The following MUC12 variants were observed in gnomAD, a reference collection of about 807,000 sequenced individuals.
MUC12 encodes the protein mucin-12.
A neutral mutation model predicts 230.8 loss-of-function variants in MUC12; 172 were observed. That is an observed-to-expected ratio of 0.75 (90% CI 0.66 to 0.85). The LOEUF is 0.85. Ranked by LOEUF, MUC12 falls within the 40% of genes least tolerant of loss-of-function variation. The pLI is 0.00. For missense variants in MUC12, 3,506 were observed against 5,920.6 expected (o/e 0.59, Z 13.38); for synonymous variants, 1,259 against 2,401.9 (o/e 0.52, Z 13.91).
At position 100,991,982 on chromosome 7, in the gene MUC12, C is replaced by A. The variant is rs777178122; in HGVS notation, c.1419C>A (p.Gly473=). ...GDSTPSPISS[G]SMETTALPGS... is the part of the protein sequence containing the mutation. ...CGACGCCCTCACCCATCAGTTCAGG[C>A]TCAATGGAAACCACAGCGTTACCCG... Residue 473 remains glycine (G), a synonymous_variant, in exon 2 of 12, where the codon GGC becomes GGA. Transcript: ENST00000536621. 1 of 1,537,862 alleles carries A rather than the reference C, an allele frequency of 6.5e-7. No individual in the cohort carries two copies.
In MUC12 at chr7:100,989,999, A is replaced by T. The variant is rs561900961; in HGVS notation, c.68-632A>T. On this transcript the variant is annotated intron_variant, in intron 1 of 11. Coordinates refer to ENST00000536621, the MANE Select transcript of MUC12 (RefSeq NM_001164462.2). The stretch of plus-strand genomic sequence containing the variant: ...GGAGCCACCTCACCTGGCCCTAAAA[A>T]TTCAAGTTACAAATTACAGTCAAGA... Among the ~76,000 whole-genome samples the T allele has an allele frequency of 4.6e-5, 7 of 152,304 alleles. No individual in the cohort carries two copies. The South Asian group carries it at 1.5e-3, about 32-fold the overall frequency.
intron 1 of MUC12, among the ~76,000 whole-genome samples, chr7:100,976,614 A>C (rs944677495): frequency 6.6e-6 from 1 of 152,072 alleles, no homozygotes; most frequent in South Asian, 2.1e-4. Flanking sequence ...AAAAAAAAAA[A>C]ATGCAAATAT....
intron 1 of MUC12, among the ~76,000 whole-genome samples, chr7:100,970,951 C>T (rs1010734295): frequency 4.0e-5 from 6 of 151,202 alleles, no homozygotes; most frequent in South Asian, 2.1e-4. Flanking sequence ...GAGCCGAGAT[C>T]GCGCCACTGC....
rs201622042 is a variant in MUC12, at chr7:101,002,562, A to G, written c.11999A>G (p.Gln4000Arg). The G allele has an allele frequency of 4.7e-5, 72 of 1,537,376 alleles. No homozygotes were observed. Among genetic ancestry groups the G allele is most frequent in the Non-Finnish European group, 4.5e-5 (52 of 1,146,872 alleles). ...SQEPTTSHSSQGSTEATLSPG... is the reference protein window; with the variant it reads ...SQEPTTSHSSRGSTEATLSPG... ...GAACCTACAACTTCCCACAGCAGCC[A>G]AGGCTCAACAGAGGCAACACTGTCC... The change falls in exon 2 of 12, where the codon CAA (glutamine) becomes CGA (arginine). Residue 4000 changes from glutamine (Q) to arginine (R), a missense_variant. Physicochemically the swap from Gln to Arg is conservative, Grantham distance 43. Coordinates refer to ENST00000536621, the MANE Select transcript of MUC12 (RefSeq NM_001164462.2).
At chr7:100,971,196 CCGTGGCTGAGGGGCTGTAGGAGGAG>C (rs1792882534) in intron 1 of MUC12, among the ~76,000 whole-genome samples, 3 of 592 alleles carry the variant, frequency 5.1e-3, no homozygotes, top group Non-Finnish European at 0.011. Flanking sequence ...AAAAAACAAA[CCGTGGCTGAGGGGCTGTAGGAGGAG>C]ACAGAGGCTC....
chr7:100,991,207 C>T lies in MUC12; in HGVS notation c.644C>T (p.Ser215Leu). The T allele has an allele frequency of 1.3e-6, 2 of 1,537,646 alleles. No homozygotes were observed. The highest frequency in any genetic ancestry group is 1.7e-6 in the Non-Finnish European group (2 of 1,146,938). ...CTGTCCCCTGGCACTACCACACCAT[C>T]ATCCCTTGGTCCAGAATCTACTACC... Reference protein sequence around the residue: ...TTLSPGTTTPSSLGPESTTFH... With the variant: ...TTLSPGTTTPLSLGPESTTFH... The change falls in exon 2 of 12, where the codon TCA (serine) becomes TTA (leucine). Residue 215 changes from serine (S) to leucine (L), a missense_variant. Physicochemically the swap from Ser to Leu is moderately radical, Grantham distance 145. Transcript: ENST00000536621.
At position 101,012,321 on chromosome 7, in the gene MUC12, G is replaced by C. The variant is rs769389695; in HGVS notation, c.15277G>C (p.Asp5093His). The C allele has an allele frequency of 6.5e-5, 100 of 1,537,146 alleles. No homozygotes were observed. The highest frequency in any genetic ancestry group is 8.2e-5 in the Non-Finnish European group (94 of 1,146,930). The change falls in exon 6 of 12, where the codon GAT (aspartate) becomes CAT (histidine). Residue 5093 changes from aspartate to histidine, a missense_variant. Coordinates refer to ENST00000536621, the MANE Select transcript of MUC12 (RefSeq NM_001164462.2). ...LLNGSIVVKNDVILEADYTLE... is the reference protein window; with the variant it reads ...LLNGSIVVKNHVILEADYTLE... ...CAACGGTAGCATCGTGGTCAAGAAC[G>C]ATGTCATCCTGGAGGCAGACTACAC...
rs1279308291 is a variant in MUC12 at position 100,990,871 on chromosome 7, C to G, written c.308C>G (p.Ser103Ter). The change falls in exon 2 of 12, where the codon TCA becomes TGA. Residue 103 changes from serine to a stop codon, truncating the protein, a stop_gained. Coordinates refer to ENST00000536621, the MANE Select transcript of MUC12 (RefSeq NM_001164462.2). LOFTEE classifies it high-confidence loss of function. ...CTCTTCCCTTCCCACTCTGCAACCT[C>G]AGTTTTTGTTGGAGAACCTAAAACC... The part of the protein sequence containing the change: ...TTLFPSHSAT[S>*]VFVGEPKTSP... The G allele has an allele frequency of 6.5e-7, 1 of 1,537,764 alleles. No homozygotes were observed. Among genetic ancestry groups the G allele is most frequent in the Admixed American group, 2.0e-5 (1 of 50,990 alleles).
At chr7:100,971,138 G>C (rs751494626) in intron 1 of MUC12, among the ~76,000 whole-genome samples, 27 of 92,730 alleles carry the variant, frequency 2.9e-4, no homozygotes, top group Non-Finnish European at 6.0e-4. Context: ...CCTGGCAACA[G>C]AGCGAGACTC....
At chr7:100,981,340 C>T (rs1793101688) in intron 1 of MUC12, 2 of 590,476 alleles carry the variant, frequency 3.4e-6, no homozygotes, top group African/African-American at 1.9e-5. Context: ...TCTCTTCACC[C>T]AGAGCATGGT....
Position 100,991,781 on chromosome 7 carries a change from C to G in MUC12, c.1218C>G (p.Ala406=), listed in dbSNP as rs1471341697. The G allele has an allele frequency of 6.5e-7, 1 of 1,537,956 alleles. No homozygotes were observed. Residue 406 remains alanine (A), a synonymous_variant, in exon 2 of 12, where the codon GCC becomes GCG. Coordinates refer to ENST00000536621, the MANE Select transcript of MUC12 (RefSeq NM_001164462.2). ...CTTCAACTCCTAGCACCACAGCTGC[C>G]CTAGCACATACAAGCTACCACAGCA... is the stretch of plus-strand genomic sequence containing the variant. ...TKSSTPSTTA[A]LAHTSYHSSL... is the part of the protein sequence containing the mutation.
intron 5 of MUC12, among the ~76,000 whole-genome samples, chr7:101,011,356 A>G (rs2116356189): frequency 6.6e-6 from 1 of 152,280 alleles, no homozygotes; most frequent in East Asian, 1.9e-4. Context: ...CCTTGTCTCA[A>G]GATCTCTCCC....
In MUC12 at chr7:100,969,637, G is replaced by C; in HGVS notation, c.15G>C (p.Trp5Cys). The change falls in exon 1 of 12, where the codon TGG becomes TGC. Residue 5 changes from tryptophan (W) to cysteine (C), a missense_variant. By Grantham distance (215) the Trp-to-Cys change is radical. Coordinates refer to ENST00000536621, the MANE Select transcript of MUC12 (RefSeq NM_001164462.2). MLVI[W>C]ILTLALRLCA... Reference sequence around the variant, plus strand: ...TTCCCCGGGAGATGCTGGTGATCTGGATTCTGACGCTGGCTCTCCGGCTCT... The same window carrying C: ...TTCCCCGGGAGATGCTGGTGATCTGCATTCTGACGCTGGCTCTCCGGCTCT... The C allele has an allele frequency of 2.0e-6, 3 of 1,537,432 alleles. No individual in the cohort carries two copies. Among genetic ancestry groups the C allele is most frequent in the Non-Finnish European group, 2.6e-6 (3 of 1,146,954 alleles).
Position 100,990,663 on chromosome 7 carries a change from A to G in MUC12, c.100A>G (p.Thr34Ala), listed in dbSNP as rs1425851282. The G allele has an allele frequency of 1.3e-6, 2 of 1,537,468 alleles. No homozygotes were observed. The highest frequency in any genetic ancestry group is 4.9e-5 in the East Asian group (2 of 40,942). ...STVNTSIGGNTTSASTPSSSD... is the reference protein window; with the variant it reads ...STVNTSIGGNATSASTPSSSD... ...AGTAAACACCAGTATTGGAGGTAAT[A>G]CAACTTCTGCATCCACACCCAGTTC... The change falls in exon 2 of 12, where the codon ACA (threonine) becomes GCA (alanine). Residue 34 changes from threonine to alanine, a missense_variant. Physicochemically the swap from Thr to Ala is moderately conservative, Grantham distance 58. Coordinates refer to ENST00000536621, the MANE Select transcript of MUC12 (RefSeq NM_001164462.2).
Position 101,004,480 on chromosome 7 carries a change from C to A in MUC12, c.13917C>A (p.His4639Gln). The change falls in exon 2 of 12, where the codon CAC (histidine) becomes CAA (glutamine). Residue 4639 changes from histidine (H) to glutamine (Q), a missense_variant. By Grantham distance (24) the His-to-Gln change is conservative (BLOSUM62 0). Coordinates refer to ENST00000536621, the MANE Select transcript of MUC12 (RefSeq NM_001164462.2). ...ESRTSHSSTT[H>Q]TISSPPSTTS... is the part of the protein sequence containing the mutation. ...GAACTTCCCACAGCAGCACAACACACACAATATCTTCACCTCCTAGCACCA... is the reference window on the plus strand; with the variant it reads ...GAACTTCCCACAGCAGCACAACACAAACAATATCTTCACCTCCTAGCACCA... The A allele has an allele frequency of 6.5e-7, 1 of 1,531,092 alleles. No homozygotes were observed. The highest frequency in any genetic ancestry group is 8.7e-7 in the Non-Finnish European group (1 of 1,145,382). 94.8% of individuals were successfully genotyped at this position (1,531,092 alleles called of 1,614,324 possible).
At chr7:101,015,150 G>A (rs1793896370) in intron 9 of MUC12, 1 of 165,290 alleles carries the variant, frequency 6.0e-6, no homozygotes, top group African/African-American at 2.4e-5. Flanking sequence ...GCTTATGTGT[G>A]GAAATTAGAC....
chr7:100,969,638 A>C lies in MUC12; in HGVS notation c.16A>C (p.Ile6Leu). MLVIW[I>L]LTLALRLCAS... ...TCCCCGGGAGATGCTGGTGATCTGG[A>C]TTCTGACGCTGGCTCTCCGGCTCTG... Residue 6 changes from isoleucine (I) to leucine (L), a missense_variant, in exon 1 of 12, where the codon ATT becomes CTT. By Grantham distance (5) the Ile-to-Leu change is conservative. Coordinates refer to ENST00000536621, the MANE Select transcript of MUC12 (RefSeq NM_001164462.2). The C allele has an allele frequency of 6.5e-7, 1 of 1,537,436 alleles. No homozygotes were observed. The highest frequency in any genetic ancestry group is 8.7e-7 in the Non-Finnish European group (1 of 1,146,954).
chr7:101,018,585 C>A lies in MUC12; in HGVS notation c.15967-10C>A, dbSNP rs764481831. ...CCCCTTGGCCTCACCTCTTCTCTCC[C>A]GTCCCCCAGCTCCACATCCAGAGGC... On this transcript the variant is annotated splice_polypyrimidine_tract_variant and intron_variant, in intron 11 of 11. Transcript: ENST00000536621. 3 of 1,536,058 alleles carry A rather than the reference C, an allele frequency of 2.0e-6. No homozygotes were observed. Among genetic ancestry groups the A allele is most frequent in the Non-Finnish European group, 2.6e-6 (3 of 1,146,328 alleles).
rs1273145412 is a variant in MUC12, at chr7:100,993,555, C to G, written c.2992C>G (p.Pro998Ala). Residue 998 changes from proline to alanine, a missense_variant, in exon 2 of 12, where the codon CCA becomes GCA. By Grantham distance (27) the Pro-to-Ala change is conservative. Transcript: ENST00000536621. ...AGAATCTACTGCCTTCCAGACCCAC[C>G]CAGCCTCAACTCACACAACGCCTTC... The part of the protein sequence containing the change: ...QGESTAFQTH[P>A]ASTHTTPSPP... 2 of 1,001,666 alleles carry G rather than the reference C, an allele frequency of 2.0e-6. 1 individual carries two copies. The highest frequency in any genetic ancestry group is 7.8e-5 in the East Asian group (2 of 25,556). 62.0% of individuals were successfully genotyped at this position (1,001,666 alleles called of 1,614,324 possible). A position where few individuals can be genotyped will look rare whatever the true frequency, so the allele number is the denominator to read the frequency against.
Sources: gnomAD v4.1 joint callset for allele counts (sites outside exome capture counted in the v4.1 genomes callset) on GRCh38, gnomAD v4.1.1 for gene constraint, MANE v1.5 for transcripts, NCBI Gene and HGNC (gene_info 2026-07-23, HGNC 2026-07-21) for gene names.